DNASE1: variants seen among roughly 807,000 people sequenced by gnomAD.
DNASE1 encodes deoxyribonuclease-1.
Under a neutral mutation model 33.9 loss-of-function variants are expected in DNASE1, and 40 were observed. The ratio of observed to expected loss-of-function variants is 1.18; its 90% CI spans 0.92 to 1.54. The LOEUF (loss-of-function observed/expected upper bound fraction) is 1.54. Ranked by LOEUF, DNASE1 falls within the 40% of genes most tolerant of loss-of-function variation. The pLI is 0.00. For synonymous variants in DNASE1, 216 were observed against 160.0 expected, an observed-to-expected ratio of 1.35 and a Z score of -2.64; for missense variants, 518 against 372.6, an observed-to-expected ratio of 1.39 and a Z score of -3.21.
chr16:3,629,908 G>T (rs1034928558), intron 1 of DNASE1, among the ~76,000 whole-genome samples: 2 of 152,142 alleles, frequency 1.3e-5, no homozygotes, highest in East Asian at 1.9e-4. Flanking sequence ...CTGCTTCCTG[G>T]GTTCAAGCGA....
intron 1 of DNASE1, among the ~76,000 whole-genome samples, chr16:3,615,792 C>T (rs974384120): frequency 6.6e-6 from 1 of 152,156 alleles, no homozygotes; most frequent in African/African-American, 2.4e-5. Context: ...ACGTCCTTAC[C>T]CTCCTGGAAT....
chr16:3,617,312 G>A (rs2041139348), intron 1 of DNASE1, among the ~76,000 whole-genome samples: 1 of 96,100 alleles, frequency 1.0e-5, no homozygotes, highest in Non-Finnish European at 1.8e-5. Context: ...GTCAACAAGA[G>A]CGAAACTCCA....
chr16:3,616,632 TTAAA>T (rs931160660), intron 1 of DNASE1, among the ~76,000 whole-genome samples: 3 of 130,726 alleles, frequency 2.3e-5, no homozygotes, highest in African/African-American at 9.1e-5. Flanking sequence ...AATAAATAAA[TTAAA>T]TAAATAAATA....
downstream of DNASE1, chr16:3,658,829 T>C (rs1346115445): frequency 1.2e-6 from 2 of 1,613,992 alleles, no homozygotes; most frequent in Non-Finnish European, 8.5e-7. Flanking sequence ...CAGGCTCGCT[T>C]GCGCGCAGCT....
Position 3,657,974 on chromosome 16 carries a change from T to C in DNASE1, c.*21T>C. 1 of 1,613,716 alleles carries C rather than the reference T, an allele frequency of 6.2e-7. No homozygotes were observed. The highest frequency in any genetic ancestry group is 1.3e-5 in the African/African-American group (1 of 75,018). On this transcript the variant is annotated 3_prime_UTR_variant, in exon 9 of 9. Coordinates refer to ENST00000246949, the MANE Select transcript of DNASE1 (RefSeq NM_005223.4). Reference sequence around the variant, plus strand: ...AGTGAGCAGCCCCTCCCCACACCAGTTGAACTGCAGGAAGAGAGGACCCAT... The same window carrying C: ...AGTGAGCAGCCCCTCCCCACACCAGCTGAACTGCAGGAAGAGAGGACCCAT...
chr16:3,648,320 T>C (rs1477673839), intron 1 of DNASE1, among the ~76,000 whole-genome samples: 1 of 151,748 alleles, frequency 6.6e-6, no homozygotes, highest in African/African-American at 2.4e-5. Flanking sequence ...CCCAGCACTT[T>C]GGGAGGCTGA....
chr16:3,662,255 C>G, downstream of DNASE1: 1 of 1,206,722 alleles, frequency 8.3e-7, no homozygotes, highest in Non-Finnish European at 1.1e-6. Context: ...AAGGACTCCC[C>G]TGGACCAGCG....
rs112247144 is a variant in DNASE1 at position 3,657,087 on chromosome 16, T to C, written c.525T>C (p.Asp175=). Reference sequence around the variant, plus strand: ...ACGCTCTCTATGACGTCTACCTGGATGTCCAAGAGAAATGGGGCTTGGAGG... The same window carrying C: ...ACGCTCTCTATGACGTCTACCTGGACGTCCAAGAGAAATGGGGCTTGGAGG... ...EIDALYDVYL[D]VQEKWGLEDV... is the part of the protein sequence containing the mutation. The change falls in exon 6 of 9, where the codon GAT becomes GAC. Residue 175 remains aspartate, a synonymous_variant. Coordinates refer to ENST00000246949, the MANE Select transcript of DNASE1 (RefSeq NM_005223.4). 2.5e-5 allele frequency: 40 copies of C among 1,614,076 alleles called. No individual in the cohort carries two copies. The African/African-American group carries it at 4.1e-4, about 17-fold the overall frequency.
exon 10 of DNASE1, chr16:3,663,697 A>C: frequency 9.0e-7 from 1 of 1,110,778 alleles, no homozygotes; most frequent in Non-Finnish European, 1.3e-6. Context: ...TGGGGTTCCT[A>C]GGCCTGCATG....
At chr16:3,646,091 G>C (rs908620236) in intron 1 of DNASE1, among the ~76,000 whole-genome samples, 1 of 152,166 alleles carries the variant, frequency 6.6e-6, no homozygotes, top group Non-Finnish European at 1.5e-5. Context: ...AGGTCTTGTA[G>C]GGCTGTGGGA....
chr16:3,637,274 T>G (rs1029135710), intron 1 of DNASE1, among the ~76,000 whole-genome samples: 1 of 152,250 alleles, frequency 6.6e-6, no homozygotes, highest in Non-Finnish European at 1.5e-5. Context: ...CTGTTTTTCC[T>G]TCCTTGGGTT....
chr16:3,655,630 A>G (rs774508694), intron 2 of DNASE1, 110 bp downstream of exon 2: 1 of 1,536,064 alleles, frequency 6.5e-7, no homozygotes, highest in Non-Finnish European at 8.9e-7. Context: ...GGTACTGAGC[A>G]CCACTGCTCC....
intron 1 of DNASE1, among the ~76,000 whole-genome samples, chr16:3,648,847 T>A (rs1274602458): frequency 2.0e-5 from 3 of 152,364 alleles, no homozygotes; most frequent in African/African-American, 7.2e-5. Flanking sequence ...ATACATTTTG[T>A]TTATGGATAT....
chr16:3,648,043 C>T (rs777138338), intron 1 of DNASE1, among the ~76,000 whole-genome samples: 1 of 152,136 alleles, frequency 6.6e-6, no homozygotes, highest in Non-Finnish European at 1.5e-5. Context: ...TGGCGCACAT[C>T]CGTAATCCCA....
intron 1 of DNASE1, among the ~76,000 whole-genome samples, chr16:3,617,356 A>AAAAAAAAAAAAAAAAC (rs2041144810): frequency 1.3e-5 from 2 of 148,962 alleles, no homozygotes; most frequent in African/African-American, 2.5e-5. Context: ...AAAAAAAAGA[A>AAAAAAAAAAAAAAAAC]TACTACAAGG....
At chr16:3,639,789 T>G (rs1280128137), upstream of DNASE1, among the ~76,000 whole-genome samples, 1 of 152,198 alleles carries the variant, frequency 6.6e-6, no homozygotes, top group Non-Finnish European at 1.5e-5. Context: ...AGGCCCGGTG[T>G]GGTGGCTCAT....
upstream of DNASE1, chr16:3,651,895 T>C (rs1202693905): frequency 1.3e-5 from 2 of 152,388 alleles, no homozygotes; most frequent in Non-Finnish European, 2.9e-5. Context: ...AGCCACAGGC[T>C]GCAGGGGCAG....
intron 1 of DNASE1, among the ~76,000 whole-genome samples, chr16:3,632,206 C>G (rs2041720764): frequency 1.3e-5 from 2 of 152,146 alleles, no homozygotes; most frequent in Admixed American, 1.3e-4. Flanking sequence ...GGATGAAGTG[C>G]TCTATAGATG....
At chr16:3,631,303 C>G (rs941998660) in intron 1 of DNASE1, among the ~76,000 whole-genome samples, 3 of 151,828 alleles carry the variant, frequency 2.0e-5, no homozygotes, top group African/African-American at 7.3e-5. Flanking sequence ...CTCCCAGATT[C>G]AAGGAATTTT....
Sources: allele counts gnomAD v4.1 joint callset (sites outside exome capture counted in the v4.1 genomes callset), GRCh38; gene constraint gnomAD v4.1.1; transcripts MANE v1.5; gene names NCBI Gene and HGNC (gene_info 2026-07-23, HGNC 2026-07-21).